The following NFXL1 variants were observed in gnomAD, a reference collection of about 807,000 sequenced individuals.
The protein encoded by NFXL1 is nuclear transcription factor, X-box binding like 1.
A neutral mutation model predicts 123.3 loss-of-function variants in NFXL1; 66 were observed. The ratio of observed to expected loss-of-function variants is 0.54; its 90% CI spans 0.44 to 0.66. The LOEUF (loss-of-function observed/expected upper bound fraction) is 0.66, where lower values mean the gene tolerates loss of function less well. NFXL1 is among the 30% of genes least tolerant of loss of function. The pLI is 0.00. For synonymous variants in NFXL1, 346 were observed against 360.8 expected (o/e 0.96, Z 0.46); for missense variants, 944 against 1,125.6 (o/e 0.84, Z 2.31).
At chr4:47,880,807 TAAAAAAAAAAAAA>T (rs57880960) in intron 15 of NFXL1, among the ~76,000 whole-genome samples, 2 of 78,834 alleles carry the variant, frequency 2.5e-5, no homozygotes, top group South Asian at 4.9e-4. Flanking sequence ...AATTAATGAG[TAAAAAAAAAAAAA>T]AAAAAAAAAA....
Position 47,898,745 on chromosome 4 carries a change from A to G in NFXL1, c.1089+12T>C, listed in dbSNP as rs1737232705. The G allele has an allele frequency of 6.6e-7, 1 of 1,515,734 alleles. No homozygotes were observed. The highest frequency in any genetic ancestry group is 1.1e-5 in the South Asian group (1 of 89,030). The allele number at this position is 1,515,734 out of a possible 1,614,324, so 93.9% of individuals were successfully genotyped here. A position where few individuals can be genotyped will look rare whatever the true frequency, so the allele number is the denominator to read the frequency against. On this transcript the variant is annotated intron_variant, in intron 8 of 22. Transcript: ENST00000507489. ...CTTTAATACCCACCCCTCAAAATGC[A>G]TATAAACTTACTTGATCACAGTGCC...
chr4:47,882,996 T>A (rs1736205896), intron 15 of NFXL1, among the ~76,000 whole-genome samples: 1 of 152,170 alleles, frequency 6.6e-6, no homozygotes, highest in African/African-American at 2.4e-5. Context: ...CTTGTTCCTG[T>A]TATTAGGGAG....
chr4:47,878,752 T>C, intron 16 of NFXL1, 87 bp from the exon 17 acceptor site: 1 of 955,554 alleles, frequency 1.0e-6, no homozygotes, highest in Middle Eastern at 2.3e-4. Flanking sequence ...TCTGCTATCA[T>C]TTGAGAACAA....
At position 47,914,039 on chromosome 4, in the gene NFXL1, C is replaced by T. The variant is rs1324324008; in HGVS notation, c.165G>A (p.Ala55=). 1 of 1,549,334 alleles carries T rather than the reference C, an allele frequency of 6.5e-7. No homozygotes were observed. ...GCCTGCTCCCTGCAGCCGCCGTGGT[C>T]GCGACTCCTCCGGGACTGGTGCCAG... The part of the protein sequence containing the change: ...VPSGTSPGGV[A]TTAAAGSRHS... The change falls in exon 2 of 23, where the codon GCG becomes GCA. Residue 55 remains alanine, a synonymous_variant. Coordinates refer to ENST00000507489, the MANE Select transcript of NFXL1 (RefSeq NM_001278624.2).
chr4:47,897,038 C>G (rs1362153220), intron 9 of NFXL1, among the ~76,000 whole-genome samples: 1 of 152,160 alleles, frequency 6.6e-6, no homozygotes, highest in Non-Finnish European at 1.5e-5. Context: ...TAAAACACCA[C>G]CTGGCTGACA....
Position 47,893,251 on chromosome 4 carries a change from G to A in NFXL1, c.1452+929C>T, listed in dbSNP as rs1736884795. Among the ~76,000 whole-genome samples, 4 of 152,050 alleles carry A rather than the reference G, an allele frequency of 2.6e-5. No individual in the cohort carries two copies. In the South Asian group the frequency reaches 8.3e-4, roughly 32 times the overall value. On this transcript the variant is annotated intron_variant, in intron 11 of 22. Transcript: ENST00000507489. ...ACATGTCCTTAAAGTCTCAGAAGGT[G>A]ACGGGTAGGGGAAAACAGAAAAAAA... is the stretch of plus-strand genomic sequence containing the variant.
At chr4:47,862,700 C>G in intron 19 of NFXL1, 146 bp downstream of exon 19, 1 of 669,312 alleles carries the variant, frequency 1.5e-6, no homozygotes, top group Non-Finnish European at 2.6e-6. Context: ...AAATGAGATG[C>G]ATCTACCCTA....
At chr4:47,897,824 G>C (rs188856371) in intron 9 of NFXL1, 143 bp downstream of exon 9, 4 of 570,780 alleles carry the variant, frequency 7.0e-6, no homozygotes, top group Non-Finnish European at 1.2e-5. Context: ...ATATAGTTGG[G>C]GGCTTAAATT....
At chr4:47,856,659 T>C (rs1254900559) in intron 19 of NFXL1, among the ~76,000 whole-genome samples, 1 of 152,226 alleles carries the variant, frequency 6.6e-6, no homozygotes, top group African/African-American at 2.4e-5. Flanking sequence ...TTTTGTTCTT[T>C]AACTTTTAGC....
At chr4:47,881,687 T>C (rs1382084223) in intron 15 of NFXL1, among the ~76,000 whole-genome samples, 1 of 152,178 alleles carries the variant, frequency 6.6e-6, no homozygotes, top group Non-Finnish European at 1.5e-5. Flanking sequence ...TGCAATGTAT[T>C]ATTATTCAAT....
At chr4:47,877,298 C>T (rs909106161) in intron 17 of NFXL1, 7 of 389,980 alleles carry the variant, frequency 1.8e-5, no homozygotes, top group African/African-American at 1.5e-4. Context: ...GGATCACTTC[C>T]AATATCAAGT....
chr4:47,911,624 C>G (rs1737834001), intron 2 of NFXL1, among the ~76,000 whole-genome samples: 1 of 152,250 alleles, frequency 6.6e-6, no homozygotes. Flanking sequence ...TTAATCCACA[C>G]AAAGTATTAA....
intron 3 of NFXL1, among the ~76,000 whole-genome samples, chr4:47,909,649 TTC>T (rs986222591): frequency 2.0e-5 from 3 of 150,328 alleles, no homozygotes; most frequent in Admixed American, 2.0e-4. Context: ...GCAAAAATAT[TTC>T]TTTCTTTCTT....
intron 11 of NFXL1, among the ~76,000 whole-genome samples, chr4:47,893,615 A>C (rs1398544139): frequency 6.6e-6 from 1 of 152,112 alleles, no homozygotes; most frequent in Non-Finnish European, 1.5e-5. Flanking sequence ...TTTCACAAAG[A>C]CTAAAGCAAG....
intron 18 of NFXL1, 53 bp from the exon 19 acceptor site, chr4:47,862,968 A>T (rs924758908): frequency 1.1e-6 from 1 of 950,264 alleles, no homozygotes; most frequent in Non-Finnish European, 1.6e-6. Context: ...TTATAGCATA[A>T]TTTTTCTAAA....
At chr4:47,866,375 A>G (rs1318364488) in intron 18 of NFXL1, among the ~76,000 whole-genome samples, 2 of 152,184 alleles carry the variant, frequency 1.3e-5, no homozygotes, top group East Asian at 3.8e-4. Context: ...AAAAAATTGT[A>G]TTTTCCCACA....
At chr4:47,851,222 T>A in intron 21 of NFXL1, 74 bp from the exon 22 acceptor site, 2 of 1,057,330 alleles carry the variant, frequency 1.9e-6, no homozygotes, top group Non-Finnish European at 2.9e-6. Flanking sequence ...CATCTACCCA[T>A]CCAGGTTCTA....
intron 18 of NFXL1, among the ~76,000 whole-genome samples, chr4:47,864,737 T>TG (rs963758927): frequency 2.6e-5 from 4 of 152,142 alleles, no homozygotes; most frequent in Admixed American, 2.6e-4. Context: ...ATGCAAATGG[T>TG]GGGGCAGGGG....
chr4:47,849,804 T>C (rs1367098558), intron 22 of NFXL1, among the ~76,000 whole-genome samples: 1 of 152,160 alleles, frequency 6.6e-6, no homozygotes, highest in Non-Finnish European at 1.5e-5. Context: ...GATGATCAAG[T>C]CTCTACATAA....
Sources: gnomAD v4.1 joint callset for allele counts (sites outside exome capture counted in the v4.1 genomes callset) on GRCh38, gnomAD v4.1.1 for gene constraint, MANE v1.5 for transcripts, NCBI Gene and HGNC (gene_info 2026-07-23, HGNC 2026-07-21) for gene names.